The following COL25A1 variants were observed in gnomAD, a reference collection of about 807,000 sequenced individuals.
COL25A1 encodes collagen alpha-1(XXV) chain.
Under a neutral mutation model 128.4 loss-of-function variants are expected in COL25A1, and 103 were observed. That is an observed-to-expected ratio of 0.80 (90% CI 0.68 to 0.94). The LOEUF (loss-of-function observed/expected upper bound fraction) is 0.94. COL25A1 is among the 40% of genes least tolerant of loss of function. The probability of loss-of-function intolerance (pLI) is 0.00; values close to 1 mark genes in which losing one functional copy is unlikely to be tolerated. For missense variants in COL25A1, 745 were observed against 840.0 expected, an observed-to-expected ratio of 0.89 and a Z score of 1.40; for synonymous variants, 279 against 277.2, an observed-to-expected ratio of 1.01 and a Z score of -0.06.
chr4:109,165,555 G>C (rs1197661422), intron 3 of COL25A1, among the ~76,000 whole-genome samples: 1 of 151,970 alleles, frequency 6.6e-6, no homozygotes, highest in Non-Finnish European at 1.5e-5. Flanking sequence ...GTCTCTACAA[G>C]AAATTTTAAA....
At chr4:108,870,893 G>A (rs895801969) in intron 19 of COL25A1, among the ~76,000 whole-genome samples, 7 of 152,092 alleles carry the variant, frequency 4.6e-5, no homozygotes, top group African/African-American at 1.2e-4. Context: ...ATATATTCAA[G>A]TGAAAATAAA....
At chr4:108,889,816 C>G (rs770891444) in intron 16 of COL25A1, 83 bp from the exon 17 acceptor site, 15 of 1,235,944 alleles carry the variant, frequency 1.2e-5, no homozygotes, top group Non-Finnish European at 1.8e-5. Context: ...ATCACCAACA[C>G]AGGTACTCAA....
chr4:109,212,269 C>A (rs1777627187), intron 3 of COL25A1, among the ~76,000 whole-genome samples: 1 of 152,084 alleles, frequency 6.6e-6, no homozygotes. Context: ...TCATTTGAAG[C>A]CTTACCTGGG....
chr4:108,834,412 A>G (rs1439887285), intron 31 of COL25A1: 10 of 1,550,438 alleles, frequency 6.4e-6, no homozygotes, highest in Admixed American at 2.0e-5. Flanking sequence ...GGTTGGTAGC[A>G]GGGTTGGTGG....
intron 3 of COL25A1, among the ~76,000 whole-genome samples, chr4:109,238,357 T>C (rs541365468): frequency 1.1e-3 from 173 of 152,166 alleles, no homozygotes; most frequent in African/African-American, 4.0e-3. Context: ...TGGCCCATTA[T>C]GATAATCTAA....
chr4:108,895,158 A>G (rs1477963417), intron 16 of COL25A1, among the ~76,000 whole-genome samples: 1 of 152,214 alleles, frequency 6.6e-6, no homozygotes, highest in African/African-American at 2.4e-5. Flanking sequence ...GGTGACATTA[A>G]TTCATTCCTA....
At chr4:109,140,748 G>A (rs868646932) in intron 3 of COL25A1, among the ~76,000 whole-genome samples, 1 of 152,128 alleles carries the variant, frequency 6.6e-6, no homozygotes, top group Non-Finnish European at 1.5e-5. Flanking sequence ...TATTATTGGT[G>A]TATAGGAATG....
At chr4:108,910,318 A>G (rs1744058216) in intron 13 of COL25A1, among the ~76,000 whole-genome samples, 1 of 152,184 alleles carries the variant, frequency 6.6e-6, no homozygotes, top group Non-Finnish European at 1.5e-5. Flanking sequence ...AGAGAATGAG[A>G]TAATACTTCT....
chr4:109,279,113 C>T (rs1160094850), intron 3 of COL25A1, among the ~76,000 whole-genome samples: 1 of 99,556 alleles, frequency 1.0e-5, no homozygotes, highest in Non-Finnish European at 2.0e-5. Flanking sequence ...GAGTTTTGGG[C>T]GGGGGGATGG....
intron 14 of COL25A1, among the ~76,000 whole-genome samples, chr4:108,900,216 T>C (rs1742675509): frequency 6.6e-6 from 1 of 152,150 alleles, no homozygotes; most frequent in Non-Finnish European, 1.5e-5. Flanking sequence ...GAACATGCAT[T>C]AAGCATTAAC....
chr4:109,150,079 T>C (rs1351009597), intron 3 of COL25A1, among the ~76,000 whole-genome samples: 1 of 151,304 alleles, frequency 6.6e-6, no homozygotes, highest in East Asian at 1.9e-4. Flanking sequence ...GTATGTGTGT[T>C]TGTATGTCTG....
intron 3 of COL25A1, among the ~76,000 whole-genome samples, chr4:109,140,382 T>C (rs1159149167): frequency 1.3e-5 from 2 of 152,238 alleles, no homozygotes. Context: ...CCAGCTTTGT[T>C]CTTTTGGCTT....
chr4:108,989,120 G>A (rs1335273663), intron 6 of COL25A1, among the ~76,000 whole-genome samples: 2 of 152,218 alleles, frequency 1.3e-5, no homozygotes, highest in Non-Finnish European at 2.9e-5. Context: ...TAAACTGCAT[G>A]CACTTTATTC....
chr4:109,022,680 C>G (rs550091849), intron 5 of COL25A1, among the ~76,000 whole-genome samples: 7 of 152,212 alleles, frequency 4.6e-5, no homozygotes, highest in Admixed American at 2.6e-4. Context: ...GGTAACAAAG[C>G]TTTTGGGAAG....
intron 3 of COL25A1, among the ~76,000 whole-genome samples, chr4:109,155,540 T>C (rs768220710): frequency 2.6e-5 from 4 of 152,188 alleles, no homozygotes; most frequent in Non-Finnish European, 5.9e-5. Context: ...GCTAGAGAGA[T>C]AGGTTAAAAG....
At chr4:109,223,340 G>T (rs559395753) in intron 3 of COL25A1, among the ~76,000 whole-genome samples, 4 of 151,548 alleles carry the variant, frequency 2.6e-5, no homozygotes. Context: ...TGTACTCTTA[G>T]AAAGTTGGGA....
At chr4:109,078,298 T>C (rs1014747286) in intron 3 of COL25A1, among the ~76,000 whole-genome samples, 10 of 152,224 alleles carry the variant, frequency 6.6e-5, no homozygotes, top group African/African-American at 1.9e-4. Flanking sequence ...CCGATACTTA[T>C]GATGCTCCCT....
At chr4:109,007,422 G>A (rs1032581353) in intron 6 of COL25A1, among the ~76,000 whole-genome samples, 1 of 152,180 alleles carries the variant, frequency 6.6e-6, no homozygotes, top group African/African-American at 2.4e-5. Context: ...TTATGATAAT[G>A]ATGTAGGCAT....
At chr4:109,045,899 T>A (rs1053907175) in intron 5 of COL25A1, among the ~76,000 whole-genome samples, 2 of 152,172 alleles carry the variant, frequency 1.3e-5, no homozygotes, top group South Asian at 4.1e-4. Context: ...TTTTATAGAT[T>A]AGCCATTTTG....
Sources: allele counts gnomAD v4.1 joint callset (sites outside exome capture counted in the v4.1 genomes callset), GRCh38; gene constraint gnomAD v4.1.1; transcripts MANE v1.5; gene names NCBI Gene and HGNC (gene_info 2026-07-23, HGNC 2026-07-21).